CLPX: variants seen among roughly 807,000 people sequenced by gnomAD.
CLPX encodes ATP-dependent clpX-like chaperone, mitochondrial.
Under a neutral mutation model 76.4 loss-of-function variants are expected in CLPX, and 34 were observed. That is an observed-to-expected ratio of 0.45 (90% CI 0.34 to 0.59). The LOEUF is 0.59. CLPX is among the 20% of genes least tolerant of loss of function. The probability of loss-of-function intolerance (pLI) is 0.01; values close to 1 mark genes in which losing one functional copy is unlikely to be tolerated. For missense variants in CLPX, 613 were observed against 757.0 expected, an observed-to-expected ratio of 0.81 and a Z score of 2.23; for synonymous variants, 248 against 270.9, an observed-to-expected ratio of 0.92 and a Z score of 0.83.
At chr15:65,168,193 G>A (rs2087944303) in intron 3 of CLPX, among the ~76,000 whole-genome samples, 1 of 151,054 alleles carries the variant, frequency 6.6e-6, no homozygotes, top group African/African-American at 2.4e-5. Flanking sequence ...ATCGAGACCT[G>A]GCTAACACGG....
intron 3 of CLPX, among the ~76,000 whole-genome samples, chr15:65,175,479 A>G (rs780246442): frequency 3.3e-5 from 5 of 152,176 alleles, no homozygotes; most frequent in Non-Finnish European, 7.4e-5. Context: ...CTGGGTGAGA[A>G]CAGTGAAACT....
At position 65,154,795 on chromosome 15, in the gene CLPX, A is replaced by C; in HGVS notation, c.1598T>G (p.Phe533Cys). 6.2e-7 allele frequency: 1 copy of C among 1,609,196 alleles called. No homozygotes were observed. The highest frequency in any genetic ancestry group is 8.5e-7 in the Non-Finnish European group (1 of 1,175,600). The change falls in exon 11 of 14, where the codon TTC (phenylalanine) becomes TGC (cysteine). Residue 533 changes from phenylalanine to cysteine, a missense_variant. Phe to Cys is a radical substitution (Grantham distance 205). Coordinates refer to ENST00000300107, the MANE Select transcript of CLPX (RefSeq NM_006660.5). ...TAAAAATCTAACCTTATCCATGCTG[A>C]ATAAGGCCTGGTACTGAGGAATAAC... ...NAVIPQYQAL[F>C]SMDKCELNVT...
At chr15:65,166,541 A>T in intron 4 of CLPX, 90 bp downstream of exon 4, 1 of 1,283,512 alleles carries the variant, frequency 7.8e-7, no homozygotes, top group Non-Finnish European at 1.1e-6. Flanking sequence ...TTTATATACT[A>T]GTATTAGGAT....
intron 6 of CLPX, among the ~76,000 whole-genome samples, chr15:65,160,216 A>G (rs2946671): frequency 0.8 from 121,562 of 152,110 alleles, 48,833 homozygotes; most frequent in East Asian, 1. Flanking sequence ...CTATTATCAT[A>G]GTCCTATTCC....
chr15:65,158,800 G>T (rs765624731), intron 6 of CLPX, 49 bp from the exon 7 acceptor site: 1 of 1,448,758 alleles, frequency 6.9e-7, no homozygotes, highest in Non-Finnish European at 9.3e-7. Context: ...GAATTTACTT[G>T]AAGAAAATGT....
intron 3 of CLPX, among the ~76,000 whole-genome samples, chr15:65,177,792 A>G (rs972900569): frequency 6.6e-6 from 1 of 152,140 alleles, no homozygotes; most frequent in Non-Finnish European, 1.5e-5. Flanking sequence ...AGTAGGATAC[A>G]TGATTTTTTT....
At chr15:65,155,163 A>T in intron 10 of CLPX, 82 bp from the exon 11 acceptor site, 2 of 1,177,288 alleles carry the variant, frequency 1.7e-6, no homozygotes, top group Non-Finnish European at 2.4e-6. Flanking sequence ...ATTTCATATG[A>T]TCTTTGTAAC....
At chr15:65,180,674 G>A (rs1000566701) in intron 1 of CLPX, among the ~76,000 whole-genome samples, 15 of 152,020 alleles carry the variant, frequency 9.9e-5, no homozygotes, top group African/African-American at 3.4e-4. Flanking sequence ...GGCCTAGGCG[G>A]GTGGATCACT....
In CLPX at chr15:65,152,524, G is replaced by A; in HGVS notation, c.1717C>T (p.Leu573=). The A allele has an allele frequency of 6.6e-7, 1 of 1,515,836 alleles. No individual in the cohort carries two copies. The highest frequency in any genetic ancestry group is 8.8e-7 in the Non-Finnish European group (1 of 1,130,116). The allele number at this position is 1,515,836 out of a possible 1,614,324, so 93.9% of individuals were successfully genotyped here. Residue 573 remains leucine (L), a synonymous_variant, in exon 13 of 14, where the codon CTA becomes TTA. Coordinates refer to ENST00000300107, the MANE Select transcript of CLPX (RefSeq NM_006660.5). ...TTAGGGACTTCAAACATTGGTTCTA[G>A]TAACAGCTTTTCCTAAAGAAATAAA... ...GLRSIMEKLL[L]EPMFEVPNSD...
intron 6 of CLPX, among the ~76,000 whole-genome samples, chr15:65,160,623 T>TCTCACA (rs1219208926): frequency 1.9e-3 from 188 of 101,018 alleles, no homozygotes; most frequent in African/African-American, 4.9e-3. Flanking sequence ...TCTCTCTCTC[T>TCTCACA]CACACACACA....
rs886108411 is a variant in CLPX, at chr15:65,148,575, T to C, written c.*2248A>G. 5 of 152,198 alleles carry C rather than the reference T, an allele frequency of 3.3e-5. No individual in the cohort carries two copies. Among genetic ancestry groups the C allele is most frequent in the Non-Finnish European group, 7.3e-5 (5 of 68,036 alleles). 9.4% of individuals were successfully genotyped at this position (152,198 alleles called of 1,614,324 possible). ...AGCCTTAACACTCTGTAATACAAAGTGCATTTCTGGTCCTACCCAGCCATA... is the reference window on the plus strand; with the variant it reads ...AGCCTTAACACTCTGTAATACAAAGCGCATTTCTGGTCCTACCCAGCCATA... On this transcript the variant is annotated 3_prime_UTR_variant, in exon 14 of 14. Coordinates refer to ENST00000300107, the MANE Select transcript of CLPX (RefSeq NM_006660.5).
intron 3 of CLPX, 33 bp downstream of exon 3, chr15:65,178,890 AGAAAATGTAGG>A: frequency 9.1e-7 from 1 of 1,100,400 alleles, no homozygotes; most frequent in Non-Finnish European, 1.3e-6. Flanking sequence ...AGTAATTTAC[AGAAAATGTAGG>A]GAAAAAAGAA....
rs145279555 is a variant in CLPX, at chr15:65,185,122, G to A, written c.32C>T (p.Ala11Val). ...GGAGGTGATGAGCCGGACGGCCGCCGCGCCGCAAGTACAAGCACCGCAGCT... is the reference window on the plus strand; with the variant it reads ...GGAGGTGATGAGCCGGACGGCCGCCACGCCGCAAGTACAAGCACCGCAGCT... MPSCGACTCG[A>V]AAVRLITSSL... Residue 11 changes from alanine (A) to valine (V), a missense_variant, in exon 1 of 14, where the codon GCG (alanine) becomes GTG (valine). This residue lies in a region of CLPX where 163 missense variants were observed against 118.4 expected (regional missense o/e 1.38). Transcript: ENST00000300107. The A allele has an allele frequency of 7.6e-6, 12 of 1,579,938 alleles. No individual in the cohort carries two copies. The South Asian group carries it at 8.1e-5, about 11-fold the overall frequency.
Position 65,185,035 on chromosome 15 carries a change from C to A in CLPX, c.79+40G>T, listed in dbSNP as rs200533693. ...AACCATTGGCCAGTCCACCCCCCCC[C>A]CGACAGGCTGAGGGCTCAGGAGTGG... On this transcript the variant is annotated intron_variant, in intron 1 of 13. Coordinates refer to ENST00000300107, the MANE Select transcript of CLPX (RefSeq NM_006660.5). 242 of 1,524,370 alleles carry A rather than the reference C, an allele frequency of 1.6e-4. 3 individuals are homozygous for A. The Middle Eastern group carries it at 3.0e-3, about 19-fold the overall frequency. 94.4% of individuals were successfully genotyped at this position (1,524,370 alleles called of 1,614,324 possible).
chr15:65,175,515 A>G (rs1690505090), intron 3 of CLPX, among the ~76,000 whole-genome samples: 1 of 152,150 alleles, frequency 6.6e-6, no homozygotes, highest in East Asian at 1.9e-4. Context: ...AATAGAAACA[A>G]AAAACAAACA....
At chr15:65,183,480 A>G (rs2088207778) in intron 1 of CLPX, among the ~76,000 whole-genome samples, 2 of 150,242 alleles carry the variant, frequency 1.3e-5, no homozygotes, top group Non-Finnish European at 1.5e-5. Flanking sequence ...AAAAAAAAAA[A>G]AAGAAAGAAA....
intron 4 of CLPX, among the ~76,000 whole-genome samples, chr15:65,165,327 T>TA (rs2087896408): frequency 6.7e-6 from 1 of 150,272 alleles, no homozygotes; most frequent in African/African-American, 2.4e-5. Flanking sequence ...AAACCCTGAT[T>TA]AAAAAATAAA....
intron 1 of CLPX, among the ~76,000 whole-genome samples, chr15:65,183,030 G>T (rs2088196583): frequency 6.6e-6 from 1 of 151,984 alleles, no homozygotes; most frequent in Non-Finnish European, 1.5e-5. Flanking sequence ...GGGCGTGGTG[G>T]CGCGCGCCTG....
chr15:65,174,721 C>T (rs1185143166), intron 3 of CLPX, among the ~76,000 whole-genome samples: 1 of 152,166 alleles, frequency 6.6e-6, no homozygotes, highest in Non-Finnish European at 1.5e-5. Flanking sequence ...CACATATAAC[C>T]AAATCCATGC....
Sources: gnomAD v4.1 joint callset for allele counts (sites outside exome capture counted in the v4.1 genomes callset) on GRCh38, gnomAD v4.1.1 for gene constraint, gnomAD v4.1.1 regional missense constraint, MANE v1.5 for transcripts, NCBI Gene and HGNC (gene_info 2026-07-23, HGNC 2026-07-21) for gene names.